NKAIN2: variants seen among roughly 807,000 people sequenced by gnomAD.
NKAIN2 encodes sodium/potassium-transporting ATPase subunit beta-1-interacting protein 2.
In NKAIN2, 14 loss-of-function variants were observed where a neutral mutation model predicts 32.6. The observed-to-expected ratio is 0.43, with a 90% CI of 0.28 to 0.67. The LOEUF is 0.67. Ranked by LOEUF, NKAIN2 falls within the 30% of genes least tolerant of loss-of-function variation. The pLI is 0.17. For missense variants in NKAIN2, 198 were observed against 258.3 expected, an observed-to-expected ratio of 0.77 and a Z score of 1.60; for synonymous variants, 80 against 87.2, an observed-to-expected ratio of 0.92 and a Z score of 0.46.
At chr6:124,708,956 T>C (rs1157027020) in intron 4 of NKAIN2, among the ~76,000 whole-genome samples, 2 of 148,472 alleles carry the variant, frequency 1.3e-5, no homozygotes, top group African/African-American at 2.5e-5. Context: ...GCCCATTCAG[T>C]ATGATATTGG....
intron 3 of NKAIN2, among the ~76,000 whole-genome samples, chr6:124,477,701 T>TC (rs1272690467): frequency 2.5e-5 from 1 of 39,746 alleles, no homozygotes; most frequent in African/African-American, 1.1e-4. Flanking sequence ...CCTCATCCTC[T>TC]CCCTCCCCCT....
chr6:124,000,131 G>A (rs993232339), intron 1 of NKAIN2, among the ~76,000 whole-genome samples: 1 of 152,072 alleles, frequency 6.6e-6, no homozygotes, highest in East Asian at 1.9e-4. Flanking sequence ...CTTCCAAAAC[G>A]ACACTTTCTT....
intron 1 of NKAIN2, among the ~76,000 whole-genome samples, chr6:124,007,470 A>G (rs1449362683): frequency 6.6e-6 from 1 of 152,168 alleles, no homozygotes; most frequent in Non-Finnish European, 1.5e-5. Context: ...AAGTCATCAC[A>G]AAATTTTCAT....
In NKAIN2 at chr6:123,896,375, C is replaced by T. The variant is rs1368768075; in HGVS notation, c.54+92121C>T. On this transcript the variant is annotated intron_variant, in intron 1 of 6. Transcript: ENST00000368417. ...AATCCATCTTATTCTAGAATTTTTG[C>T]TCTCCCTTTATATCACCAACCTGTT... Among the ~76,000 whole-genome samples, 5 of 151,898 alleles carry T rather than the reference C, an allele frequency of 3.3e-5. No individual in the cohort carries two copies. The East Asian group carries it at 7.7e-4, about 23-fold the overall frequency.
intron 1 of NKAIN2, among the ~76,000 whole-genome samples, chr6:123,961,386 T>TA (rs1227156057): frequency 6.6e-6 from 1 of 152,186 alleles, no homozygotes; most frequent in African/African-American, 2.4e-5. Flanking sequence ...AAAAACACTT[T>TA]AGAAAAAATG....
At chr6:124,189,218 C>T (rs556137287) in intron 1 of NKAIN2, among the ~76,000 whole-genome samples, 1 of 152,194 alleles carries the variant, frequency 6.6e-6, no homozygotes, top group South Asian at 2.1e-4. Flanking sequence ...ACCACTAATA[C>T]ATGAGACATG....
chr6:124,678,128 A>G (rs1300582763), intron 4 of NKAIN2, among the ~76,000 whole-genome samples: 1 of 152,072 alleles, frequency 6.6e-6, no homozygotes, highest in Non-Finnish European at 1.5e-5. Context: ...TTTTCGTGCT[A>G]CTTTCAAAAT....
intron 3 of NKAIN2, among the ~76,000 whole-genome samples, chr6:124,547,929 C>T (rs113403297): frequency 2.8e-3 from 419 of 152,270 alleles, no homozygotes; most frequent in African/African-American, 9.6e-3. Context: ...AATTTGTAGC[C>T]ATTCAGGTCA....
At chr6:124,001,445 T>C (rs1257041030) in intron 1 of NKAIN2, among the ~76,000 whole-genome samples, 2 of 152,056 alleles carry the variant, frequency 1.3e-5, no homozygotes, top group Admixed American at 1.3e-4. Context: ...ATTTCAAAAA[T>C]AGCAAAGAGG....
intron 1 of NKAIN2, among the ~76,000 whole-genome samples, chr6:123,974,736 G>A (rs998798915): frequency 1.3e-5 from 2 of 152,088 alleles, no homozygotes; most frequent in African/African-American, 2.4e-5. Flanking sequence ...CGTGTCAACG[G>A]GGACCCTCAA....
intron 3 of NKAIN2, among the ~76,000 whole-genome samples, chr6:124,657,382 T>C (rs1784578275): frequency 6.6e-6 from 1 of 152,178 alleles, no homozygotes; most frequent in South Asian, 2.1e-4. Context: ...GAAGACAACA[T>C]TTGCCCATGT....
chr6:124,538,414 T>C (rs1037354130), intron 3 of NKAIN2, among the ~76,000 whole-genome samples: 13 of 152,096 alleles, frequency 8.5e-5, no homozygotes. Context: ...AAGAATCTGC[T>C]CTCCATCCGA....
At chr6:124,363,083 C>T (rs1583128620) in intron 3 of NKAIN2, among the ~76,000 whole-genome samples, 2 of 152,142 alleles carry the variant, frequency 1.3e-5, no homozygotes, top group South Asian at 4.1e-4. Context: ...GATCTGCCCT[C>T]ATTGGCCTCC....
chr6:124,584,952 A>G (rs1781659337), intron 3 of NKAIN2, among the ~76,000 whole-genome samples: 1 of 152,190 alleles, frequency 6.6e-6, no homozygotes, highest in South Asian at 2.1e-4. Context: ...TCCCACTGCT[A>G]TGTATATACC....
chr6:124,499,396 T>G (rs1778196666), intron 3 of NKAIN2, among the ~76,000 whole-genome samples: 2 of 152,118 alleles, frequency 1.3e-5, no homozygotes, highest in South Asian at 4.1e-4. Flanking sequence ...TTAAGAAAAG[T>G]TAAATATTGA....
At chr6:124,323,473 G>A (rs1457961625) in intron 2 of NKAIN2, among the ~76,000 whole-genome samples, 2 of 152,116 alleles carry the variant, frequency 1.3e-5, no homozygotes. Flanking sequence ...TTTTGCATAA[G>A]ATATACAGTT....
rs143597341 is a variant in NKAIN2 at position 123,928,033 on chromosome 6, G to A, written c.54+123779G>A. Among the ~76,000 whole-genome samples, 6 of 152,220 alleles carry A rather than the reference G, an allele frequency of 3.9e-5. No individual in the cohort carries two copies. In the East Asian group the frequency reaches 1.2e-3, roughly 29 times the overall value. ...AGATAATGAGTTTCGGGGGAAACTA[G>A]TGGTACATATATACCATGGCATACT... On this transcript the variant is annotated intron_variant, in intron 1 of 6. Transcript: ENST00000368417.
At chr6:124,478,332 C>T (rs958026331) in intron 3 of NKAIN2, among the ~76,000 whole-genome samples, 1 of 152,060 alleles carries the variant, frequency 6.6e-6, no homozygotes, top group Non-Finnish European at 1.5e-5. Flanking sequence ...AATGGTATAC[C>T]CAGTATGCAG....
At chr6:124,346,933 TG>T (rs1310262942) in intron 2 of NKAIN2, among the ~76,000 whole-genome samples, 1 of 152,188 alleles carries the variant, frequency 6.6e-6, no homozygotes, top group Non-Finnish European at 1.5e-5. Context: ...CTAGTCTCAA[TG>T]GTCTTTACAT....
Sources: gnomAD v4.1 joint callset for allele counts (sites outside exome capture counted in the v4.1 genomes callset) on GRCh38, gnomAD v4.1.1 for gene constraint, MANE v1.5 for transcripts, NCBI Gene and HGNC (gene_info 2026-07-23, HGNC 2026-07-21) for gene names.